MTMR8: variants seen among roughly 807,000 people sequenced by gnomAD.
MTMR8 encodes the protein myotubularin related protein 8, also known as phosphatidylinositol-3,5-bisphosphate 3-phosphatase MTMR8.
A neutral mutation model predicts 39.3 loss-of-function variants in MTMR8; 65 were observed. The observed-to-expected ratio is 1.65, with a 90% CI of 1.35 to 2.03. MTMR8 has a LOEUF of 2.03. MTMR8 is among the 30% of genes most tolerant of loss of function. The probability of loss-of-function intolerance (pLI) is 0.00; values close to 1 mark genes in which losing one functional copy is unlikely to be tolerated. For synonymous variants in MTMR8, 245 were observed against 185.2 expected, an observed-to-expected ratio of 1.32 and a Z score of -2.62; for missense variants, 777 against 538.9, an observed-to-expected ratio of 1.44 and a Z score of -4.37.
chrX:64,380,950 T>G (rs1924399757), intron 1 of MTMR8, among the ~76,000 whole-genome samples: 1 of 112,325 alleles, frequency 8.9e-6, no homozygotes, highest in Non-Finnish European at 1.9e-5. Flanking sequence ...CTGCGTAGTA[T>G]TCCATGGTGT....
chrX:64,286,301 T>C (rs1162477084), intron 12 of MTMR8, among the ~76,000 whole-genome samples: 2 of 111,677 alleles, frequency 1.8e-5, no homozygotes, highest in East Asian at 5.6e-4. Flanking sequence ...TAACAGACTC[T>C]GAAATTGAGG....
chrX:64,315,652 T>C (rs1922445259), intron 12 of MTMR8, among the ~76,000 whole-genome samples: 1 of 111,763 alleles, frequency 8.9e-6, no homozygotes, highest in African/African-American at 3.3e-5. Flanking sequence ...GAAGTGCAAT[T>C]ATTGTAGACA....
intron 12 of MTMR8, among the ~76,000 whole-genome samples, chrX:64,278,956 G>T (rs867963434): frequency 9.0e-5 from 10 of 111,598 alleles, no homozygotes; most frequent in Non-Finnish European, 1.9e-4. Flanking sequence ...CGTCCCAGAG[G>T]GGCACCTGCC....
chrX:64,363,152 T>C (rs1923840588), intron 1 of MTMR8, among the ~76,000 whole-genome samples: 1 of 111,637 alleles, frequency 9.0e-6, no homozygotes, highest in African/African-American at 3.3e-5. Flanking sequence ...TGGGGACCAT[T>C]CGGAAGGGCA....
intron 12 of MTMR8, among the ~76,000 whole-genome samples, chrX:64,284,852 A>G (rs999963866): frequency 8.9e-6 from 1 of 112,382 alleles, no homozygotes; most frequent in Non-Finnish European, 1.9e-5. Context: ...AACAGCCATT[A>G]CCAGCCACTG....
chrX:64,378,992 T>C (rs1486995000), intron 1 of MTMR8, among the ~76,000 whole-genome samples: 3 of 111,684 alleles, frequency 2.7e-5, no homozygotes, highest in Non-Finnish European at 3.8e-5. Context: ...AATGAAACAA[T>C]ATTATGAATA....
intron 1 of MTMR8, among the ~76,000 whole-genome samples, chrX:64,393,283 C>T (rs939755816): frequency 9.0e-6 from 1 of 111,608 alleles, no homozygotes; most frequent in African/African-American, 3.3e-5. Context: ...TGTAAGGATT[C>T]AAGGCATATT....
At chrX:64,336,884 A>G (rs1161433091) in intron 9 of MTMR8, among the ~76,000 whole-genome samples, 1 of 112,362 alleles carries the variant, frequency 8.9e-6, no homozygotes, top group Non-Finnish European at 1.9e-5. Flanking sequence ...AGAAAGATCA[A>G]CTAAGAGGCT....
At chrX:64,271,468 G>A (rs759287757) in intron 12 of MTMR8, among the ~76,000 whole-genome samples, 4 of 112,161 alleles carry the variant, frequency 3.6e-5, no homozygotes, top group African/African-American at 1.3e-4. Context: ...GCAACACAAG[G>A]ATCAATTCCC....
chrX:64,291,891 A>C (rs1291711313), intron 12 of MTMR8, among the ~76,000 whole-genome samples: 2 of 111,466 alleles, frequency 1.8e-5, no homozygotes, highest in Admixed American at 9.6e-5. Flanking sequence ...TTTGAGAGAG[A>C]GGCACCAAGC....
At chrX:64,280,642 C>T (rs772121771) in intron 12 of MTMR8, among the ~76,000 whole-genome samples, 1 of 111,395 alleles carries the variant, frequency 9.0e-6, no homozygotes, top group Non-Finnish European at 1.9e-5. Context: ...AGGCACAAGA[C>T]AAGGATGCCC....
intron 10 of MTMR8, among the ~76,000 whole-genome samples, chrX:64,333,616 C>T (rs1027939931): frequency 1.8e-5 from 2 of 111,605 alleles, no homozygotes; most frequent in African/African-American, 6.5e-5. Flanking sequence ...TATCTCCTGT[C>T]TTGAAATACA....
intron 12 of MTMR8, among the ~76,000 whole-genome samples, chrX:64,281,682 A>G (rs986138568): frequency 8.9e-6 from 1 of 111,833 alleles, no homozygotes; most frequent in African/African-American, 3.3e-5. Context: ...AGTTGCAACA[A>G]AAGCTAAAAT....
intron 12 of MTMR8, among the ~76,000 whole-genome samples, chrX:64,301,997 C>T (rs987670362): frequency 7.1e-5 from 8 of 112,364 alleles, no homozygotes; most frequent in Non-Finnish European, 9.4e-5. Flanking sequence ...TTTAAGTCTG[C>T]AGAGGTTACT....
intron 12 of MTMR8, among the ~76,000 whole-genome samples, chrX:64,290,311 C>T (rs907655788): frequency 9.0e-6 from 1 of 110,776 alleles, no homozygotes; most frequent in African/African-American, 3.3e-5. Context: ...TCGTGGGACA[C>T]AAGACCAAGC....
chrX:64,348,567 C>A (rs1923403894), intron 6 of MTMR8, 93 bp downstream of exon 6: 2 of 1,068,601 alleles, frequency 1.9e-6, no homozygotes, highest in East Asian at 6.2e-5. Flanking sequence ...CATACACAAA[C>A]CTAACTTTCC....
intron 12 of MTMR8, among the ~76,000 whole-genome samples, chrX:64,303,814 A>G (rs1032170167): frequency 7.1e-5 from 8 of 112,367 alleles, no homozygotes; most frequent in Non-Finnish European, 1.3e-4. Context: ...TTCTAACACA[A>G]CTGAAACTTT....
rs960993052 is a variant in MTMR8 at position 64,328,693 on chromosome X, G to A, written c.1481+79C>T. 279 of 963,554 alleles carry A rather than the reference G, an allele frequency of 2.9e-4. 1 individual carries two copies. The highest frequency in any genetic ancestry group is 3.7e-4 in the Non-Finnish European group (268 of 727,165). The allele number at this position is 963,554 out of a possible 1,213,427, so 79.4% of individuals were successfully genotyped here. A position where few individuals can be genotyped will look rare whatever the true frequency, so the allele number is the denominator to read the frequency against. ...CATAGCCAGGCTTGTACAGATGGTG[G>A]CAGCTATCCAAGGAGAAGCAAGGAA... On this transcript the variant is annotated intron_variant, in intron 12 of 13. Coordinates refer to ENST00000374852, the MANE Select transcript of MTMR8 (RefSeq NM_017677.4).
chrX:64,311,230 T>C (rs1922287319), intron 12 of MTMR8, among the ~76,000 whole-genome samples: 2 of 112,154 alleles, frequency 1.8e-5, no homozygotes, highest in South Asian at 7.4e-4. Context: ...GTGGTTTTGA[T>C]TTGCATTTCT....
Sources: allele counts gnomAD v4.1 joint callset (sites outside exome capture counted in the v4.1 genomes callset), GRCh38; gene constraint gnomAD v4.1.1; transcripts MANE v1.5; gene names NCBI Gene and HGNC (gene_info 2026-07-23, HGNC 2026-07-21).